DLC1: variants seen among roughly 807,000 people sequenced by gnomAD.
DLC1 encodes the protein DLC1 Rho GTPase activating protein.
In DLC1, 54 loss-of-function variants were observed where a neutral mutation model predicts 140.3. The observed-to-expected ratio is 0.38, with a 90% CI of 0.31 to 0.48. DLC1 has a LOEUF of 0.48. Ranked by LOEUF, DLC1 falls within the 20% of genes least tolerant of loss-of-function variation. The pLI, the probability that DLC1 is intolerant of heterozygous loss-of-function variation, is 0.96. For missense variants in DLC1, 2,536 were observed against 1,907.0 expected, an observed-to-expected ratio of 1.33 and a Z score of -6.14; for synonymous variants, 986 against 728.1, an observed-to-expected ratio of 1.35 and a Z score of -5.70.
intron 5 of DLC1, among the ~76,000 whole-genome samples, chr8:13,265,606 A>C (rs182894073): frequency 3.9e-5 from 6 of 152,082 alleles, no homozygotes; most frequent in Non-Finnish European, 8.8e-5. Context: ...CCAAGACAGC[A>C]TGAGGCCGTT....
intron 4 of DLC1, among the ~76,000 whole-genome samples, chr8:13,362,077 C>T (rs1835254109): frequency 6.6e-6 from 1 of 152,182 alleles, no homozygotes; most frequent in Non-Finnish European, 1.5e-5. Flanking sequence ...ACTTTCCAGC[C>T]TCAGGCTCTG....
At chr8:13,102,658 T>C (rs1321684326) in intron 8 of DLC1, 132 bp downstream of exon 8, 3 of 782,686 alleles carry the variant, frequency 3.8e-6, no homozygotes, top group East Asian at 4.9e-5. Context: ...CTAGGCGATA[T>C]CATTCAAGAT....
At chr8:13,267,577 A>G (rs1178455492) in intron 5 of DLC1, among the ~76,000 whole-genome samples, 5 of 152,210 alleles carry the variant, frequency 3.3e-5, no homozygotes, top group African/African-American at 1.2e-4. Context: ...CAGATAAAAC[A>G]AAGTCTAGAC....
chr8:13,328,917 T>A (rs1210032601), intron 4 of DLC1, among the ~76,000 whole-genome samples: 1 of 152,200 alleles, frequency 6.6e-6, no homozygotes, highest in East Asian at 1.9e-4. Context: ...CATTTCATCC[T>A]GCAATGTGGA....
chr8:13,121,420 C>G (rs1821049579), intron 5 of DLC1, among the ~76,000 whole-genome samples: 1 of 152,106 alleles, frequency 6.6e-6, no homozygotes, highest in African/African-American at 2.4e-5. Flanking sequence ...CCCATCTTTA[C>G]CTGATGGGTG....
At chr8:13,092,916 C>A in intron 12 of DLC1, 91 bp from the exon 13 acceptor site, 2 of 1,395,638 alleles carry the variant, frequency 1.4e-6, no homozygotes, top group South Asian at 2.5e-5. Flanking sequence ...GCATCAAATA[C>A]CTCAGCCCAG....
chr8:13,595,929 C>T lies in DLC1; in HGVS notation c.-126+8608G>A, dbSNP rs375164792. On this transcript the variant is annotated intron_variant, in intron 1 of 1. Transcript: ENST00000631382. ...AGAATTTTCATTTCTAAATATATCA[C>T]ACAAAAGCAATCTATACAAAATAAC... is the stretch of plus-strand genomic sequence containing the variant. Among the ~76,000 whole-genome samples, 4 of 151,926 alleles carry T rather than the reference C, an allele frequency of 2.6e-5. No individual in the cohort carries two copies. In the East Asian group the frequency reaches 5.8e-4, roughly 22 times the overall value.
rs529965861 is a variant in DLC1 at position 13,149,963 on chromosome 8, A to G, written c.1349-34306T>C. On this transcript the variant is annotated intron_variant, in intron 5 of 17. Coordinates refer to ENST00000276297, the MANE Select transcript of DLC1 (RefSeq NM_182643.3). ...ATACTTTGTTTAAAGAAATCTTCTC[A>G]AGGAAATAATAGGCGTTTCTCAAGA... Among the ~76,000 whole-genome samples, 15 of 152,328 alleles carry G rather than the reference A, an allele frequency of 9.8e-5. No homozygotes were observed. In the South Asian group the frequency reaches 2.9e-3, roughly 29 times the overall value.
intron 1 of DLC1, among the ~76,000 whole-genome samples, chr8:13,587,957 C>G (rs1024744823): frequency 3.3e-5 from 5 of 152,024 alleles, no homozygotes; most frequent in African/African-American, 1.2e-4. Flanking sequence ...TTTAAAACTT[C>G]TTGGATAACA....
At chr8:13,523,302 C>A (rs934468172) in intron 1 of DLC1, among the ~76,000 whole-genome samples, 3 of 151,850 alleles carry the variant, frequency 2.0e-5, no homozygotes, top group Admixed American at 1.3e-4. Flanking sequence ...ATTAAATTTG[C>A]TATATAAGAA....
intron 2 of DLC1, among the ~76,000 whole-genome samples, chr8:13,490,384 C>T (rs567358586): frequency 6.6e-5 from 10 of 152,268 alleles, no homozygotes; most frequent in African/African-American, 2.4e-4. Flanking sequence ...TTTAAAATAG[C>T]ACTATAATTT....
intron 5 of DLC1, among the ~76,000 whole-genome samples, chr8:13,292,361 G>A (rs1433141540): frequency 1.3e-5 from 2 of 152,156 alleles, no homozygotes; most frequent in African/African-American, 4.8e-5. Context: ...GATTAGCTGT[G>A]GAACGATGAG....
chr8:13,218,968 A>T (rs1272891538), intron 5 of DLC1, among the ~76,000 whole-genome samples: 1 of 114,826 alleles, frequency 8.7e-6, no homozygotes, highest in Non-Finnish European at 1.7e-5. Context: ...GTATATAATT[A>T]TATACGTATA....
intron 2 of DLC1, among the ~76,000 whole-genome samples, chr8:13,494,963 A>G (rs1312740667): frequency 6.6e-6 from 1 of 152,114 alleles, no homozygotes; most frequent in East Asian, 1.9e-4. Flanking sequence ...AGAAATAAAC[A>G]AACACACACA....
chr8:13,411,814 G>T (rs1367844707), intron 2 of DLC1, among the ~76,000 whole-genome samples: 1 of 152,066 alleles, frequency 6.6e-6, no homozygotes, highest in Non-Finnish European at 1.5e-5. Context: ...TGATTTATCT[G>T]TCAGATTAAA....
At chr8:13,420,393 A>T (rs289600) in intron 2 of DLC1, among the ~76,000 whole-genome samples, 147,665 of 152,226 alleles carry the variant, frequency 0.97, 71,773 homozygotes, top group East Asian at 1. Flanking sequence ...ATTGCCAATA[A>T]CTGACTATTT....
At chr8:13,368,506 G>A (rs1490812550) in intron 4 of DLC1, among the ~76,000 whole-genome samples, 2 of 151,234 alleles carry the variant, frequency 1.3e-5, no homozygotes, top group African/African-American at 2.4e-5. Context: ...AAGGGAAAAC[G>A]CAAGCCAAGG....
intron 2 of DLC1, among the ~76,000 whole-genome samples, chr8:13,466,761 T>A (rs1799961863): frequency 1.3e-5 from 2 of 152,186 alleles, no homozygotes; most frequent in African/African-American, 4.8e-5. Context: ...ACACCAAAGT[T>A]CTATGTACAT....
chr8:13,421,371 T>C (rs1248071739), intron 2 of DLC1, among the ~76,000 whole-genome samples: 13 of 152,166 alleles, frequency 8.5e-5, no homozygotes. Context: ...GATTCAAAAA[T>C]ATTTTTAAAT....
Sources: gnomAD v4.1 joint callset for allele counts (sites outside exome capture counted in the v4.1 genomes callset) on GRCh38, gnomAD v4.1.1 for gene constraint, MANE v1.5 for transcripts, NCBI Gene and HGNC (gene_info 2026-07-23, HGNC 2026-07-21) for gene names.